Variants in DNMT3A observed in about 807,000 individuals in gnomAD.
DNMT3A encodes the protein DNA methyltransferase 3 alpha, also known as DNA (cytosine-5)-methyltransferase 3A.
Under a neutral mutation model 117.6 loss-of-function variants are expected in DNMT3A, and 267 were observed. The observed-to-expected ratio is 2.27, with a 90% confidence interval of 2.05 to 2.51. The LOEUF (loss-of-function observed/expected upper bound fraction) is 2.51, where lower values mean the gene tolerates loss of function less well. DNMT3A is among the 30% of genes most tolerant of loss of function. The pLI, the probability that DNMT3A is intolerant of heterozygous loss-of-function variation, is 0.00. For missense variants in DNMT3A, 1,029 were observed against 1,260.2 expected (o/e 0.82, Z 2.78); for synonymous variants, 432 against 474.8 (o/e 0.91, Z 1.17).
In DNMT3A at chr2:25,228,882, G is replaced by C. The variant is rs186406030; in HGVS notation, c.*5397C>G. ...GTTCTCAGGCACAGGGTTGGAGGCC[G>C]CTAGGCTGGGGCTGAGGGAGCCGCC... is the stretch of plus-strand genomic sequence containing the variant. On this transcript the variant is annotated 3_prime_UTR_variant, in exon 23 of 23. Coordinates refer to ENST00000321117, the MANE Select transcript of DNMT3A (RefSeq NM_022552.5). 6.6e-6 allele frequency: 1 copy of C among 152,248 alleles called. No homozygotes were observed. Among genetic ancestry groups the C allele is most frequent in the Non-Finnish European group, 1.5e-5 (1 of 68,068 alleles). The allele number at this position is 152,248 out of a possible 1,614,324, so 9.4% of individuals were successfully genotyped here. A position where few individuals can be genotyped will look rare whatever the true frequency, so the allele number is the denominator to read the frequency against.
chr2:25,328,616 G>A (rs772071860), intron 1 of DNMT3A: 7 of 490,652 alleles, frequency 1.4e-5, no homozygotes, highest in Non-Finnish European at 2.5e-5. Flanking sequence ...CCGCAACCCC[G>A]TTCCGGGTGA....
chr2:25,282,861 T>A lies in DNMT3A; in HGVS notation c.178-150A>T. ...ATAAACCTTCATGCAAACAGATACATTCACAATTTTGCTTTCAACATCAAA... is the reference window on the plus strand; with the variant it reads ...ATAAACCTTCATGCAAACAGATACAATCACAATTTTGCTTTCAACATCAAA... On this transcript the variant is annotated intron_variant, in intron 3 of 22. Coordinates refer to ENST00000321117, the MANE Select transcript of DNMT3A (RefSeq NM_022552.5). This position sits in a 1 kb window ranked among gnomAD's most constrained non-coding sequence, Gnocchi z 5.2. 1 of 1,022,730 alleles carries A rather than the reference T, an allele frequency of 9.8e-7. No homozygotes were observed. Among genetic ancestry groups the A allele is most frequent in the Non-Finnish European group, 1.3e-6 (1 of 749,044 alleles). The allele number at this position is 1,022,730 out of a possible 1,614,324, so 63.4% of individuals were successfully genotyped here.
intron 3 of DNMT3A, among the ~76,000 whole-genome samples, chr2:25,292,044 T>G (rs2032798475): frequency 6.6e-6 from 1 of 151,926 alleles, no homozygotes; most frequent in South Asian, 2.1e-4. Flanking sequence ...CATCTGAGGT[T>G]GGGAGTTCGA....
chr2:25,340,525 A>G (rs951265834), intron 1 of DNMT3A, among the ~76,000 whole-genome samples: 3 of 151,504 alleles, frequency 2.0e-5, no homozygotes, highest in African/African-American at 7.3e-5. Flanking sequence ...AAGGGGAGGG[A>G]AGGCAGGGCG....
intron 6 of DNMT3A, among the ~76,000 whole-genome samples, chr2:25,260,805 G>A (rs542604564): frequency 2.6e-4 from 39 of 152,220 alleles, no homozygotes; most frequent in African/African-American, 8.4e-4. Flanking sequence ...TGAAGGATGC[G>A]GGGTGGTCGC....
intron 1 of DNMT3A, among the ~76,000 whole-genome samples, chr2:25,315,649 G>A (rs980620558): frequency 6.6e-5 from 10 of 152,194 alleles, no homozygotes; most frequent in African/African-American, 1.2e-4. Flanking sequence ...TACAGGTGAC[G>A]GTAAGATCAA....
In DNMT3A at chr2:25,322,743, G is replaced by A. The variant is rs1305287714; in HGVS notation, c.-177-8582C>T. On this transcript the variant is annotated intron_variant, in intron 1 of 22. Transcript: ENST00000321117. ...CTCCATCTTCAGATTGAGGACTGCTGGCCCCCCTGCCACCCCACAGTCTCT... is the reference window on the plus strand; with the variant it reads ...CTCCATCTTCAGATTGAGGACTGCTAGCCCCCCTGCCACCCCACAGTCTCT... 2.7e-5 allele frequency among the ~76,000 whole-genome samples: 4 copies of A among 147,178 alleles called. No individual in the cohort carries two copies. In the South Asian group the frequency reaches 6.4e-4, roughly 24 times the overall value.
At chr2:25,328,708 A>G (rs1558745602) in intron 1 of DNMT3A, 2 of 512,368 alleles carry the variant, frequency 3.9e-6, no homozygotes, top group Middle Eastern at 3.3e-4. Context: ...GCCTAGAGCG[A>G]CCCCCCACAA....
chr2:25,300,291 T>G, intron 2 of DNMT3A, 48 bp from the exon 3 acceptor site: 1 of 1,587,830 alleles, frequency 6.3e-7, no homozygotes, highest in Non-Finnish European at 8.5e-7. Context: ...ATCCCAGCAG[T>G]GTAGCATTCC....
intron 1 of DNMT3A, among the ~76,000 whole-genome samples, chr2:25,333,862 A>C (rs1257677539): frequency 6.6e-6 from 1 of 152,190 alleles, no homozygotes; most frequent in Non-Finnish European, 1.5e-5. Flanking sequence ...TACAGATGAA[A>C]AACCTGCAGC....
Position 25,319,072 on chromosome 2 carries a change from T to G in DNMT3A, c.-177-4911A>C, listed in dbSNP as rs1450347825. 3.4e-5 allele frequency among the ~76,000 whole-genome samples: 5 copies of G among 148,700 alleles called. No individual in the cohort carries two copies. In the Admixed American group the frequency reaches 3.4e-4, roughly 10 times the overall value. ...CTCTGTCGCCCAGGCTGGAGTACAGTGGTGGGATCTCGGCTCACTGCAACC... is the reference window on the plus strand; with the variant it reads ...CTCTGTCGCCCAGGCTGGAGTACAGGGGTGGGATCTCGGCTCACTGCAACC... On this transcript the variant is annotated intron_variant, in intron 1 of 22. Coordinates refer to ENST00000321117, the MANE Select transcript of DNMT3A (RefSeq NM_022552.5).
At chr2:25,297,172 G>T (rs2033140136) in intron 3 of DNMT3A, among the ~76,000 whole-genome samples, 1 of 152,160 alleles carries the variant, frequency 6.6e-6, no homozygotes, top group Non-Finnish European at 1.5e-5. Flanking sequence ...TGGGCTCCCA[G>T]GAAGGGCCAT....
chr2:25,244,640 C>G lies in DNMT3A; in HGVS notation c.1567G>C (p.Glu523Gln). The G allele has an allele frequency of 6.2e-7, 1 of 1,614,110 alleles. No homozygotes were observed. Among genetic ancestry groups the G allele is most frequent in the Non-Finnish European group, 8.5e-7 (1 of 1,180,004 alleles). ...MCQNCKNCFLECAYQYDDDGY... is the reference protein window; with the variant it reads ...MCQNCKNCFLQCAYQYDDDGY... ...TCGTCGTCGTACTGGTACGCACACT[C>G]CAGAAAGCAGTTCTAGACAGCAGCG... The change falls in exon 14 of 23, where the codon GAG (glutamate) becomes CAG (glutamine). Residue 523 changes from glutamate to glutamine, a missense_variant. Physicochemically the swap from Glu to Gln is conservative, Grantham distance 29 (BLOSUM62 2). Coordinates refer to ENST00000321117, the MANE Select transcript of DNMT3A (RefSeq NM_022552.5).
At position 25,304,653 on chromosome 2, in the gene DNMT3A, G is replaced by A. The variant is rs761421719; in HGVS notation, c.73-4410C>T. ...TGCCACGGGGGTTCCCGGGGGCCAG[G>A]AGGATCCAGCCAAGCTCCTCAGCTC... On this transcript the variant is annotated intron_variant, in intron 2 of 22. Transcript: ENST00000321117. The surrounding 1 kb of genome is among the most constrained non-coding windows in gnomAD (Gnocchi z 4.3). Among the ~76,000 whole-genome samples, 2 of 152,228 alleles carry A rather than the reference G, an allele frequency of 1.3e-5. No individual in the cohort carries two copies. The highest frequency in any genetic ancestry group is 2.9e-5 in the Non-Finnish European group (2 of 68,042).
At chr2:25,280,322 C>T in intron 4 of DNMT3A, among the ~76,000 whole-genome samples, 1 of 127,122 alleles carries the variant, frequency 7.9e-6, no homozygotes, top group South Asian at 3.3e-4. Flanking sequence ...GCCTCCCCGC[C>T]CCCCCACCCC....
intron 1 of DNMT3A, chr2:25,328,557 T>G: frequency 2.2e-6 from 1 of 456,176 alleles, no homozygotes; most frequent in Admixed American, 2.4e-5. Context: ...GAGGTCAGAG[T>G]TCATGCGTTG....
rs540046175 is a variant in DNMT3A, at chr2:25,300,064, A to G, written c.177+75T>C. ...GTCTCCAGGTCCCTGCAGGACATAC[A>G]TCACTGCCATCGACAGGCCAGGCAC... is the stretch of plus-strand genomic sequence containing the variant. On this transcript the variant is annotated intron_variant, in intron 3 of 22. Transcript: ENST00000321117. 8.7e-6 allele frequency: 13 copies of G among 1,488,416 alleles called. 1 individual carries two copies. In the African/African-American group the frequency reaches 1.8e-4, roughly 20 times the overall value. 92.2% of individuals were successfully genotyped at this position (1,488,416 alleles called of 1,614,324 possible).
rs1672787446 is a variant in DNMT3A at position 25,229,441 on chromosome 2, C to G, written c.*4838G>C. The G allele has an allele frequency of 6.6e-6, 1 of 152,326 alleles. No individual in the cohort carries two copies. The highest frequency in any genetic ancestry group is 2.1e-4 in the South Asian group (1 of 4,836). 9.4% of individuals were successfully genotyped at this position (152,326 alleles called of 1,614,324 possible). The stretch of plus-strand genomic sequence containing the variant: ...CTCCCTGGCAAACAGGCAGGACTCC[C>G]AGAGGACAACTCCAGGGTCGCTCTC... On this transcript the variant is annotated 3_prime_UTR_variant, in exon 23 of 23. Transcript: ENST00000321117.
In DNMT3A at chr2:25,248,042, AC is replaced by A. The variant is rs1339971879; in HGVS notation, c.849del (p.Glu283AspfsTer33). ...CTGGTGAAGAAGCCGCTCACCTCGT[AC>A]TCTGGCTCGTCATCGCCTGCTTTGG... ...NATKAGDDEP[E>X]YEDGRGFGIG... On this transcript the variant is annotated frameshift_variant, in exon 7 of 23. Transcript: ENST00000321117. LOFTEE classifies it high-confidence loss of function. 1 of 1,611,708 alleles carries A rather than the reference AC, an allele frequency of 6.2e-7. No individual in the cohort carries two copies. Among genetic ancestry groups the A allele is most frequent in the Non-Finnish European group, 8.5e-7 (1 of 1,179,862 alleles).
Sources: gnomAD v4.1 joint callset for allele counts (sites outside exome capture counted in the v4.1 genomes callset) on GRCh38, gnomAD v4.1.1 for gene constraint, Gnocchi (gnomAD v3.1) non-coding constraint, MANE v1.5 for transcripts, NCBI Gene and HGNC (gene_info 2026-07-23, HGNC 2026-07-21) for gene names.